KIRREL3: variants seen among roughly 807,000 people sequenced by gnomAD.
KIRREL3 encodes the protein kirre like nephrin family adhesion molecule 3, also known as kin of IRRE-like protein 3.
In KIRREL3, 36 loss-of-function variants were observed where a neutral mutation model predicts 89.7. The ratio of observed to expected loss-of-function variants is 0.40; its 90% CI spans 0.31 to 0.53. The LOEUF (loss-of-function observed/expected upper bound fraction) is 0.53. Ranked by LOEUF, KIRREL3 falls within the 20% of genes least tolerant of loss-of-function variation. The probability of loss-of-function intolerance (pLI) is 0.49; values close to 1 mark genes in which losing one functional copy is unlikely to be tolerated. For synonymous variants in KIRREL3, 445 were observed against 441.4 expected (o/e 1.01, Z -0.10); for missense variants, 864 against 1,056.6 (o/e 0.82, Z 2.53).
At chr11:126,952,223 C>A (rs998137497) in intron 1 of KIRREL3, among the ~76,000 whole-genome samples, 4 of 151,916 alleles carry the variant, frequency 2.6e-5, no homozygotes, top group African/African-American at 9.7e-5. Flanking sequence ...CTGTCTCTAC[C>A]AAAAATACAA....
chr11:126,590,492 C>T (rs1198959308), intron 1 of KIRREL3, among the ~76,000 whole-genome samples: 1 of 152,202 alleles, frequency 6.6e-6, no homozygotes, highest in African/African-American at 2.4e-5. Flanking sequence ...CCCCAGCGGT[C>T]CCCACCTCAA....
intron 1 of KIRREL3, among the ~76,000 whole-genome samples, chr11:126,958,675 C>CTTAAT (rs1377389955): frequency 2.0e-5 from 3 of 152,236 alleles, no homozygotes; most frequent in Non-Finnish European, 4.4e-5. Context: ...ATCATGATAA[C>CTTAAT]CTGTGCACAT....
chr11:126,677,923 T>C lies in KIRREL3; in HGVS notation c.56-115011A>G, dbSNP rs1946271332. On this transcript the variant is annotated intron_variant, in intron 1 of 16. Coordinates refer to ENST00000525144, the MANE Select transcript of KIRREL3 (RefSeq NM_032531.4). This position sits in a 1 kb window ranked among gnomAD's most constrained non-coding sequence, Gnocchi z 5.1. ...GTTGTCACCACCAAGCCCTGTCTTG[T>C]CATCAGCCTCAGTGTCAGGCCCTGG... is the stretch of plus-strand genomic sequence containing the variant. Among the ~76,000 whole-genome samples the C allele has an allele frequency of 6.6e-6, 1 of 152,072 alleles. No individual in the cohort carries two copies. The highest frequency in any genetic ancestry group is 2.4e-5 in the African/African-American group (1 of 41,406).
intron 1 of KIRREL3, among the ~76,000 whole-genome samples, chr11:126,932,128 C>T (rs537617996): frequency 7.2e-5 from 11 of 152,290 alleles, no homozygotes; most frequent in African/African-American, 2.6e-4. Context: ...CAGAGTTCAT[C>T]AAGAATCCCC....
chr11:126,775,523 T>C (rs1161331563), intron 1 of KIRREL3, among the ~76,000 whole-genome samples: 2 of 152,078 alleles, frequency 1.3e-5, no homozygotes, highest in African/African-American at 4.8e-5. Flanking sequence ...TTTGTGACCC[T>C]CCTTTCCAGC....
At chr11:126,660,615 G>A (rs1019526291) in intron 1 of KIRREL3, among the ~76,000 whole-genome samples, 9 of 73,940 alleles carry the variant, frequency 1.2e-4, no homozygotes, top group African/African-American at 6.6e-4. Context: ...GGAAATGTCA[G>A]GTTGAATGCC....
In KIRREL3 at chr11:126,883,961, C is replaced by T. The variant is rs570797274; in HGVS notation, c.55+116494G>A. Reference sequence around the variant, plus strand: ...GGAAGCTTCTCAAAGACATGAGCCCCCTGTTCCTGCAGGTATTAAAGTGGA... The same window carrying T: ...GGAAGCTTCTCAAAGACATGAGCCCTCTGTTCCTGCAGGTATTAAAGTGGA... On this transcript the variant is annotated intron_variant, in intron 1 of 16. Coordinates refer to ENST00000525144, the MANE Select transcript of KIRREL3 (RefSeq NM_032531.4). This position sits in a 1 kb window ranked among gnomAD's most constrained non-coding sequence, Gnocchi z 4.1. Among the ~76,000 whole-genome samples, 2 of 152,276 alleles carry T rather than the reference C, an allele frequency of 1.3e-5. No individual in the cohort carries two copies. The highest frequency in any genetic ancestry group is 4.1e-4 in the South Asian group (2 of 4,824).
chr11:126,606,824 T>G lies in KIRREL3; in HGVS notation c.56-43912A>C, dbSNP rs1942910169. 6.6e-6 allele frequency among the ~76,000 whole-genome samples: 1 copy of G among 152,080 alleles called. No homozygotes were observed. Among genetic ancestry groups the G allele is most frequent in the Non-Finnish European group, 1.5e-5 (1 of 68,024 alleles). ...CTGGCCTTCTTCTGCACTCTTTTTT[T>G]CTTTCTTTAAAAGCTTAGACTGATT... On this transcript the variant is annotated intron_variant, in intron 1 of 16. Transcript: ENST00000525144. This position sits in a 1 kb window ranked among gnomAD's most constrained non-coding sequence, Gnocchi z 4.6.
intron 1 of KIRREL3, among the ~76,000 whole-genome samples, chr11:126,648,130 C>T (rs571026952): frequency 6.6e-6 from 1 of 152,282 alleles, no homozygotes; most frequent in African/African-American, 2.4e-5. Context: ...TCACTTCTTC[C>T]TCCTGCTCTG....
rs1940531187 is a variant in KIRREL3 at position 126,566,515 on chromosome 11, G to C, written c.56-3603C>G. Among the ~76,000 whole-genome samples the C allele has an allele frequency of 6.6e-6, 1 of 152,208 alleles. No homozygotes were observed. The highest frequency in any genetic ancestry group is 1.5e-5 in the Non-Finnish European group (1 of 68,028). ...CTGTGAAGGGTTCCTTCTGACTCGG[G>C]TCAGAATGAAAATAAGTGGGCTTCA... On this transcript the variant is annotated intron_variant, in intron 1 of 16. Transcript: ENST00000525144. The surrounding 1 kb of genome is among the most constrained non-coding windows in gnomAD (Gnocchi z 4.9).
In KIRREL3 at chr11:126,443,326, G is replaced by T. The variant is rs915787929; in HGVS notation, c.1252+1653C>A. ...GTGGAGGGCCGCTGATTTCACTGGGGCCTGGAGCTCTGAGCCGAGTGTCAG... is the reference window on the plus strand; with the variant it reads ...GTGGAGGGCCGCTGATTTCACTGGGTCCTGGAGCTCTGAGCCGAGTGTCAG... On this transcript the variant is annotated intron_variant, in intron 10 of 16. Transcript: ENST00000525144. The surrounding 1 kb of genome is among the most constrained non-coding windows in gnomAD (Gnocchi z 7.3). 1.6e-4 allele frequency among the ~76,000 whole-genome samples: 25 copies of T among 152,184 alleles called. No individual in the cohort carries two copies. Among genetic ancestry groups the T allele is most frequent in the African/African-American group, 6.0e-4 (25 of 41,432 alleles).
At position 126,431,259 on chromosome 11, in the gene KIRREL3, C is replaced by T. The variant is rs1027258089; in HGVS notation, c.1696+160G>A. The T allele has an allele frequency of 7.1e-6, 11 of 1,541,534 alleles. No individual in the cohort carries two copies. In the Admixed American group the frequency reaches 1.6e-4, roughly 22 times the overall value. ...TGCCAGGCGCCATGTTGCCCAGGCTCACATACACCGATGCATCAGACCCAC... is the reference window on the plus strand; with the variant it reads ...TGCCAGGCGCCATGTTGCCCAGGCTTACATACACCGATGCATCAGACCCAC... On this transcript the variant is annotated intron_variant, in intron 14 of 16. Coordinates refer to ENST00000525144, the MANE Select transcript of KIRREL3 (RefSeq NM_032531.4). The surrounding 1 kb of genome is among the most constrained non-coding windows in gnomAD (Gnocchi z 7.1).
At chr11:126,975,410 C>A (rs1364861224) in intron 1 of KIRREL3, among the ~76,000 whole-genome samples, 3 of 152,148 alleles carry the variant, frequency 2.0e-5, no homozygotes, top group Non-Finnish European at 4.4e-5. Flanking sequence ...TTCTCCTACC[C>A]CCCTGAAATT....
At position 126,754,353 on chromosome 11, in the gene KIRREL3, C is replaced by A. The variant is rs1465653759; in HGVS notation, c.56-191441G>T. On this transcript the variant is annotated intron_variant, in intron 1 of 16. Coordinates refer to ENST00000525144, the MANE Select transcript of KIRREL3 (RefSeq NM_032531.4). This position sits in a 1 kb window ranked among gnomAD's most constrained non-coding sequence, Gnocchi z 5.1. ...AGATGTTCACTGCTGAAACAGCATT[C>A]CTCAGAACGTACCTCTCTAACTTTA... Among the ~76,000 whole-genome samples the A allele has an allele frequency of 6.6e-6, 1 of 152,162 alleles. No homozygotes were observed. Among genetic ancestry groups the A allele is most frequent in the African/African-American group, 2.4e-5 (1 of 41,430 alleles).
At chr11:126,634,740 C>T (rs1326501087) in intron 1 of KIRREL3, among the ~76,000 whole-genome samples, 2 of 152,178 alleles carry the variant, frequency 1.3e-5, no homozygotes, top group African/African-American at 2.4e-5. Flanking sequence ...CACTCCATTG[C>T]CCCCTAGCCT....
chr11:126,848,458 C>T (rs923039622), intron 1 of KIRREL3, among the ~76,000 whole-genome samples: 3 of 152,124 alleles, frequency 2.0e-5, no homozygotes, highest in East Asian at 1.9e-4. Context: ...AGGCTGACCC[C>T]GCTTATTCCT....
intron 1 of KIRREL3, among the ~76,000 whole-genome samples, chr11:126,888,262 T>C (rs1441307871): frequency 4.6e-5 from 7 of 152,096 alleles, no homozygotes; most frequent in African/African-American, 1.7e-4. Context: ...CATCAGACAA[T>C]TTACAATTCA....
chr11:126,539,587 T>C (rs1343132743), intron 2 of KIRREL3, among the ~76,000 whole-genome samples: 5 of 152,190 alleles, frequency 3.3e-5, no homozygotes, highest in Non-Finnish European at 7.3e-5. Context: ...GTAGAACTGA[T>C]AGTACTTGAC....
chr11:126,517,619 A>C (rs761412663), intron 4 of KIRREL3, among the ~76,000 whole-genome samples: 2 of 152,186 alleles, frequency 1.3e-5, no homozygotes, highest in African/African-American at 2.4e-5. Flanking sequence ...GATGCTGTTT[A>C]AGCCACCCTA....
Sources: gnomAD v4.1 joint callset for allele counts (sites outside exome capture counted in the v4.1 genomes callset) on GRCh38, gnomAD v4.1.1 for gene constraint, Gnocchi (gnomAD v3.1) non-coding constraint, MANE v1.5 for transcripts, NCBI Gene and HGNC (gene_info 2026-07-23, HGNC 2026-07-21) for gene names.